The following ANKS6 variants were observed in gnomAD, a reference collection of about 807,000 sequenced individuals.
ANKS6 encodes ankyrin repeat and SAM domain-containing protein 6.
ANKS6 carries 47 observed loss-of-function variants against 77.9 expected under a neutral mutation model. The ratio of observed to expected loss-of-function variants is 0.60; its 90% CI spans 0.48 to 0.77. The LOEUF is 0.77. ANKS6 is among the 30% of genes least tolerant of loss of function. The pLI is 0.00. For missense variants in ANKS6, 1,150 were observed against 1,159.1 expected (o/e 0.99, Z 0.11); for synonymous variants, 488 against 501.7 (o/e 0.97, Z 0.37).
At chr9:98,771,519 T>C (rs1032519402) in intron 9 of ANKS6, among the ~76,000 whole-genome samples, 1 of 152,208 alleles carries the variant, frequency 6.6e-6, no homozygotes, top group Non-Finnish European at 1.5e-5. Context: ...GTGTCTTTCC[T>C]GGCCCCATTG....
chr9:98,740,883 T>A (rs1460740588), intron 14 of ANKS6, among the ~76,000 whole-genome samples: 1 of 152,194 alleles, frequency 6.6e-6, no homozygotes, highest in African/African-American at 2.4e-5. Flanking sequence ...TTTTTGCCTA[T>A]CAAATTAATA....
intron 12 of ANKS6, among the ~76,000 whole-genome samples, chr9:98,752,698 A>G (rs1359695764): frequency 1.3e-5 from 2 of 152,230 alleles, no homozygotes; most frequent in Non-Finnish European, 2.9e-5. Flanking sequence ...TTGATACCAC[A>G]TCTTGGGTGA....
intron 8 of ANKS6, 63 bp from the exon 9 acceptor site, chr9:98,774,143 A>C: frequency 2.3e-6 from 3 of 1,321,336 alleles, no homozygotes; most frequent in South Asian, 2.2e-5. Flanking sequence ...TGCAGGAAAG[A>C]CTCCATGTTT....
At chr9:98,755,677 T>C (rs2092021469) in intron 12 of ANKS6, among the ~76,000 whole-genome samples, 1 of 152,144 alleles carries the variant, frequency 6.6e-6, no homozygotes, top group South Asian at 2.1e-4. Context: ...CCACTTCCAA[T>C]ACACATATGT....
At position 98,789,791 on chromosome 9, in the gene ANKS6, T is replaced by C. The variant is rs1466113180; in HGVS notation, c.862+313A>G. ...CTATTTGGCCTTTTACAGAAAAAGTTTGCCAAACCTTGTTGTAGAAGGGCC... is the reference window on the plus strand; with the variant it reads ...CTATTTGGCCTTTTACAGAAAAAGTCTGCCAAACCTTGTTGTAGAAGGGCC... On this transcript the variant is annotated intron_variant, in intron 2 of 14. Coordinates refer to ENST00000353234, the MANE Select transcript of ANKS6 (RefSeq NM_173551.5). The C allele has an allele frequency of 9.8e-6, 3 of 305,968 alleles. No individual in the cohort carries two copies. In the South Asian group the frequency reaches 3.3e-4, roughly 33 times the overall value. 19.0% of individuals were successfully genotyped at this position (305,968 alleles called of 1,614,324 possible).
intron 9 of ANKS6, 119 bp from the exon 10 acceptor site, chr9:98,771,165 C>A: frequency 8.5e-7 from 1 of 1,183,100 alleles, no homozygotes; most frequent in East Asian, 3.1e-5. Context: ...GCTCGCTGTG[C>A]CCAGCATGGC....
chr9:98,779,121 GCCCTCAGAAGGCGCTACCACC>G (rs1834084455), intron 6 of ANKS6, among the ~76,000 whole-genome samples: 1 of 152,242 alleles, frequency 6.6e-6, no homozygotes, highest in East Asian at 1.9e-4. Context: ...CGAGTCTGCA[GCCCTCAGAAGGCGCTACCACC>G]CCATGCAGAC....
At position 98,773,886 on chromosome 9, in the gene ANKS6, G is replaced by GC; in HGVS notation, c.1811dup (p.Thr605HisfsTer10). The GC allele has an allele frequency of 6.4e-7, 1 of 1,558,048 alleles. No individual in the cohort carries two copies. The highest frequency in any genetic ancestry group is 8.6e-7 in the Non-Finnish European group (1 of 1,158,600). ...TCAGAAGACAACTTACAGTGTCTGT[G>GC]CCCCCGCCGCCCACGGGGTGGCCCC... On this transcript the variant is annotated frameshift_variant, in exon 9 of 15. Coordinates refer to ENST00000353234, the MANE Select transcript of ANKS6 (RefSeq NM_173551.5). LOFTEE classifies it high-confidence loss of function.
chr9:98,746,154 G>A (rs1832118288), intron 13 of ANKS6: 1 of 156,472 alleles, frequency 6.4e-6, no homozygotes, highest in African/African-American at 2.4e-5. Context: ...CCATGGAGAA[G>A]GAGAGCAGAG....
In ANKS6 at chr9:98,732,152, TGCTGA is replaced by T; in HGVS notation, c.*4362_*4366del. Reference sequence around the variant, plus strand: ...CAGGATGGTGCTTCACAGTGCCTCCTGCTGATGGCACCTTCATTCTGGCTGCAGAA... The same window carrying T: ...CAGGATGGTGCTTCACAGTGCCTCCTTGGCACCTTCATTCTGGCTGCAGAA... On this transcript the variant is annotated 3_prime_UTR_variant, in exon 15 of 15. Transcript: ENST00000353234. 1.5e-5 allele frequency: 5 copies of T among 326,046 alleles called. No individual in the cohort carries two copies. The highest frequency in any genetic ancestry group is 2.9e-5 in the Non-Finnish European group (5 of 175,110). The allele number at this position is 326,046 out of a possible 1,614,324, so 20.2% of individuals were successfully genotyped here.
chr9:98,759,943 A>G (rs1377574810), intron 11 of ANKS6, among the ~76,000 whole-genome samples: 1 of 152,198 alleles, frequency 6.6e-6, no homozygotes, highest in Non-Finnish European at 1.5e-5. Context: ...ACAGTTAACA[A>G]TAATATATAG....
rs1227840760 is a variant in ANKS6 at position 98,733,514 on chromosome 9, G to A, written c.*3005C>T. On this transcript the variant is annotated 3_prime_UTR_variant, in exon 15 of 15. Coordinates refer to ENST00000353234, the MANE Select transcript of ANKS6 (RefSeq NM_173551.5). The stretch of plus-strand genomic sequence containing the variant: ...AGCAGGCCACCTCTGCAGAGCTGCT[G>A]GGGAGAAAAAGGTGACCACCAAGGG... 3 of 985,348 alleles carry A rather than the reference G, an allele frequency of 3.0e-6. No homozygotes were observed. Among genetic ancestry groups the A allele is most frequent in the Non-Finnish European group, 3.6e-6 (3 of 829,966 alleles). The allele number at this position is 985,348 out of a possible 1,614,324, so 61.0% of individuals were successfully genotyped here. A position where few individuals can be genotyped will look rare whatever the true frequency, so the allele number is the denominator to read the frequency against.
chr9:98,742,064 T>G (rs1161051126), intron 14 of ANKS6, among the ~76,000 whole-genome samples: 1 of 152,232 alleles, frequency 6.6e-6, no homozygotes, highest in Non-Finnish European at 1.5e-5. Flanking sequence ...ACCAGCGTGC[T>G]GTGGACCACA....
At chr9:98,793,682 G>A (rs1835023573) in intron 1 of ANKS6, among the ~76,000 whole-genome samples, 1 of 151,650 alleles carries the variant, frequency 6.6e-6, no homozygotes, top group East Asian at 2.0e-4. Flanking sequence ...CACCATGCCC[G>A]TGCCACCACG....
rs373249893 is a variant in ANKS6 at position 98,790,104 on chromosome 9, C to T, written c.862G>A (p.Asp288Asn). ...AGCCACGGGGGGCATGCAGCCTGAC[C>T]TGTTTTGGGCCTGACGGTGGTCAGC... ...DPLTTVRPKTDEEKRRPDIFH... is the reference protein window; with the variant it reads ...DPLTTVRPKTNEEKRRPDIFH... Residue 288 changes from aspartate to asparagine, a missense_variant and splice_region_variant, in exon 2 of 15, where the codon GAT (aspartate) becomes AAT (asparagine). Coordinates refer to ENST00000353234, the MANE Select transcript of ANKS6 (RefSeq NM_173551.5). 6.4e-7 allele frequency: 1 copy of T among 1,551,682 alleles called. No individual in the cohort carries two copies. Among genetic ancestry groups the T allele is most frequent in the Non-Finnish European group, 8.8e-7 (1 of 1,141,840 alleles).
Position 98,780,239 on chromosome 9 carries a change from G to A in ANKS6, c.1318C>T (p.Arg440Ter), listed in dbSNP as rs753588516. The part of the protein sequence containing the change: ...HQPPLPHSKV[R>*]QPWSIPVLPD... ...AGCACTGGGATGCTCCAGGGCTGTC[G>A]GACCTTCGAGTGGGGCAGGGGAGGC... The change falls in exon 6 of 15, where the codon CGA (arginine) becomes TGA (stop). Residue 440 changes from arginine to a stop codon, truncating the protein, a stop_gained. Coordinates refer to ENST00000353234, the MANE Select transcript of ANKS6 (RefSeq NM_173551.5). LOFTEE classifies it high-confidence loss of function. 8.7e-6 allele frequency: 14 copies of A among 1,613,900 alleles called. No individual in the cohort carries two copies. The highest frequency in any genetic ancestry group is 3.3e-5 in the Admixed American group (2 of 59,988).
chr9:98,770,572 A>C (rs1347925638), intron 10 of ANKS6, among the ~76,000 whole-genome samples: 3 of 152,140 alleles, frequency 2.0e-5, no homozygotes, highest in African/African-American at 4.8e-5. Context: ...GCAGAATGAG[A>C]AGCTCTCCAG....
At chr9:98,794,556 T>G (rs1835075687) in intron 1 of ANKS6, among the ~76,000 whole-genome samples, 1 of 152,174 alleles carries the variant, frequency 6.6e-6, no homozygotes, top group Non-Finnish European at 1.5e-5. Context: ...TACCTGAATA[T>G]AGAGTCGGTG....
In ANKS6 at chr9:98,784,228, T is replaced by A. The variant is rs556386322; in HGVS notation, c.908-71A>T. ...ATAGGCTGATTTCTCCTGTGGTTCATGTAACAAACACTTGCTGGCCCTGCT... is the reference window on the plus strand; with the variant it reads ...ATAGGCTGATTTCTCCTGTGGTTCAAGTAACAAACACTTGCTGGCCCTGCT... On this transcript the variant is annotated intron_variant, in intron 3 of 14. Transcript: ENST00000353234. 4.3e-6 allele frequency: 6 copies of A among 1,382,678 alleles called. No individual in the cohort carries two copies. In the East Asian group the frequency reaches 1.5e-4, roughly 35 times the overall value. The allele number at this position is 1,382,678 out of a possible 1,614,324, so 85.7% of individuals were successfully genotyped here. A position where few individuals can be genotyped will look rare whatever the true frequency, so the allele number is the denominator to read the frequency against.
Sources: allele counts gnomAD v4.1 joint callset (sites outside exome capture counted in the v4.1 genomes callset), GRCh38; gene constraint gnomAD v4.1.1; transcripts MANE v1.5; gene names NCBI Gene and HGNC (gene_info 2026-07-23, HGNC 2026-07-21).